The following DENND2A variants were observed in gnomAD, a reference collection of about 807,000 sequenced individuals.
The protein encoded by DENND2A is DENN domain-containing protein 2A.
A neutral mutation model predicts 105.3 loss-of-function variants in DENND2A; 53 were observed. The observed-to-expected ratio is 0.50, with a 90% CI of 0.40 to 0.63. DENND2A has a LOEUF of 0.63. Ranked by LOEUF, DENND2A falls within the 30% of genes least tolerant of loss-of-function variation. The pLI is 0.00. For missense variants in DENND2A, 1,138 were observed against 1,279.6 expected (o/e 0.89, Z 1.69); for synonymous variants, 522 against 508.4 (o/e 1.03, Z -0.36).
intron 9 of DENND2A, among the ~76,000 whole-genome samples, chr7:140,565,066 C>T (rs1585644642): frequency 1.3e-5 from 2 of 152,300 alleles, no homozygotes; most frequent in African/African-American, 4.8e-5. Context: ...TACATAATTG[C>T]TATCCTAAAC....
At chr7:140,572,647 G>A (rs866423401) in intron 6 of DENND2A, among the ~76,000 whole-genome samples, 7 of 151,202 alleles carry the variant, frequency 4.6e-5, no homozygotes, top group Admixed American at 1.3e-4. Context: ...CCAGCTACTC[G>A]GGAGGCTGAG....
chr7:140,600,052 G>A (rs1043253172), intron 3 of DENND2A, among the ~76,000 whole-genome samples: 1 of 152,000 alleles, frequency 6.6e-6, no homozygotes, highest in East Asian at 1.9e-4. Context: ...TTAGGAAGGG[G>A]TATATGAAAA....
intron 14 of DENND2A, among the ~76,000 whole-genome samples, chr7:140,537,254 G>A (rs534829145): frequency 2.0e-4 from 31 of 152,216 alleles, no homozygotes; most frequent in African/African-American, 6.5e-4. Context: ...GAACCAAACC[G>A]AACAAATAAG....
chr7:140,569,794 C>G, intron 6 of DENND2A, 56 bp from the exon 7 acceptor site: 1 of 1,251,426 alleles, frequency 8.0e-7, no homozygotes, highest in East Asian at 2.3e-5. Flanking sequence ...TCTGTGGCAG[C>G]TGGGCTTCCC....
At chr7:140,537,519 C>G (rs1796493305) in intron 14 of DENND2A, among the ~76,000 whole-genome samples, 1 of 152,232 alleles carries the variant, frequency 6.6e-6, no homozygotes, top group Admixed American at 6.5e-5. Flanking sequence ...TCATAGCTCA[C>G]TAGCCTCAAA....
At chr7:140,639,439 GAC>G (rs10611078) in intron 1 of DENND2A, among the ~76,000 whole-genome samples, 121 of 149,898 alleles carry the variant, frequency 8.1e-4, no homozygotes, top group South Asian at 4.2e-3. Context: ...AACCGTCTCT[GAC>G]ACACACACAC....
At chr7:140,537,799 C>T (rs141492996) in intron 14 of DENND2A, among the ~76,000 whole-genome samples, 121 of 152,260 alleles carry the variant, frequency 7.9e-4, no homozygotes, top group African/African-American at 2.7e-3. Flanking sequence ...CCACCATGCC[C>T]GACCTCCCTC....
At chr7:140,577,936 T>G (rs1342909214) in intron 5 of DENND2A, among the ~76,000 whole-genome samples, 3 of 152,172 alleles carry the variant, frequency 2.0e-5, no homozygotes, top group Non-Finnish European at 4.4e-5. Context: ...AAGAACGATG[T>G]GTCAGACTGT....
chr7:140,576,599 T>C (rs1336080309), intron 5 of DENND2A, among the ~76,000 whole-genome samples: 4 of 152,234 alleles, frequency 2.6e-5, no homozygotes, highest in Non-Finnish European at 5.9e-5. Context: ...GCTATTTGCT[T>C]AGTTCCAAAT....
intron 14 of DENND2A, among the ~76,000 whole-genome samples, chr7:140,535,676 G>A (rs1259714873): frequency 1.3e-5 from 2 of 151,986 alleles, no homozygotes; most frequent in African/African-American, 4.8e-5. Flanking sequence ...CTGCCTCACA[G>A]GTTCAAGCGA....
In DENND2A at chr7:140,559,998, A is replaced by G. The variant is rs543689492; in HGVS notation, c.1780-181T>C. On this transcript the variant is annotated intron_variant, in intron 9 of 19. Coordinates refer to ENST00000496613, the MANE Select transcript of DENND2A (RefSeq NM_015689.5). This position sits in a 1 kb window ranked among gnomAD's most constrained non-coding sequence, Gnocchi z 4.1. ...GCATTTTCCCCCCAGTGCACTTCCA[A>G]CTATAGACCTCTGGGAGAAGTTGGG... Among the ~76,000 whole-genome samples the G allele has an allele frequency of 6.6e-6, 1 of 152,196 alleles. No homozygotes were observed. Among genetic ancestry groups the G allele is most frequent in the East Asian group, 1.9e-4 (1 of 5,176 alleles).
At chr7:140,552,536 C>T (rs527612434) in intron 12 of DENND2A, among the ~76,000 whole-genome samples, 4 of 151,922 alleles carry the variant, frequency 2.6e-5, no homozygotes, top group African/African-American at 9.6e-5. Flanking sequence ...GCTGGAACTA[C>T]AGGTGCACAC....
Position 140,632,499 on chromosome 7 carries a change from A to T in DENND2A, c.-248+8005T>A, listed in dbSNP as rs116475225. On this transcript the variant is annotated intron_variant, in intron 1 of 19. Transcript: ENST00000496613. ...CTCAGCCTTTACCAGCGTGGCCACA[A>T]GGTGCAGTTTGCAGGGACAGTCCAG... 3.5e-3 allele frequency among the ~76,000 whole-genome samples: 534 copies of T among 152,338 alleles called. 7 individuals are homozygous for T. Among genetic ancestry groups the T allele is most frequent in the African/African-American group, 0.012 (506 of 41,598 alleles).
intron 14 of DENND2A, among the ~76,000 whole-genome samples, chr7:140,543,021 ACT>A (rs1796735734): frequency 6.6e-6 from 1 of 151,494 alleles, no homozygotes; most frequent in South Asian, 2.1e-4. Flanking sequence ...GGTCTCCAGA[ACT>A]CACTGCCTCT....
At chr7:140,541,068 A>G (rs1796638329) in intron 14 of DENND2A, among the ~76,000 whole-genome samples, 1 of 151,990 alleles carries the variant, frequency 6.6e-6, no homozygotes, top group Admixed American at 6.6e-5. Context: ...GTCCTCCTGC[A>G]TTGCCCTTTG....
At chr7:140,543,460 A>T (rs1796761368) in intron 14 of DENND2A, 1 of 151,982 alleles carries the variant, frequency 6.6e-6, no homozygotes, top group African/African-American at 2.4e-5. Context: ...TTCCTACCAC[A>T]TAGCAGAGTG....
chr7:140,524,625 G>A (rs1353336826), intron 16 of DENND2A, among the ~76,000 whole-genome samples: 2 of 151,910 alleles, frequency 1.3e-5, no homozygotes, highest in Non-Finnish European at 2.9e-5. Flanking sequence ...TCTCGGGCTG[G>A]AGTACAGTGG....
At chr7:140,612,700 C>T (rs1206044911) in intron 1 of DENND2A, among the ~76,000 whole-genome samples, 1 of 152,184 alleles carries the variant, frequency 6.6e-6, no homozygotes, top group African/African-American at 2.4e-5. Flanking sequence ...TAGGACTTCT[C>T]CATATTGGCC....
At chr7:140,558,234 T>G in intron 10 of DENND2A, 22 bp from the exon 11 acceptor site, 2 of 1,602,174 alleles carry the variant, frequency 1.2e-6, no homozygotes, top group Non-Finnish European at 1.7e-6. Flanking sequence ...AAAACACAAA[T>G]GTATCATAAA....
Sources: gnomAD v4.1 joint callset for allele counts (sites outside exome capture counted in the v4.1 genomes callset) on GRCh38, gnomAD v4.1.1 for gene constraint, Gnocchi (gnomAD v3.1) non-coding constraint, MANE v1.5 for transcripts, NCBI Gene and HGNC (gene_info 2026-07-23, HGNC 2026-07-21) for gene names.